The following MYH11 variants were observed in gnomAD, a reference collection of about 807,000 sequenced individuals.
MYH11 encodes myosin-11.
MYH11 carries 80 observed loss-of-function variants against 246.6 expected under a neutral mutation model. The ratio of observed to expected loss-of-function variants is 0.32; its 90% confidence interval spans 0.27 to 0.39. The LOEUF is 0.39. Ranked by LOEUF, MYH11 falls within the 10% of genes least tolerant of loss-of-function variation. The pLI, the probability that MYH11 is intolerant of heterozygous loss-of-function variation, is 1.00. For synonymous variants in MYH11, 1,071 were observed against 1,015.5 expected (o/e 1.05, Z -1.04); for missense variants, 2,158 against 2,546.8 (o/e 0.85, Z 3.29).
At chr16:15,812,167 C>T (rs144361138) in intron 3 of MYH11, among the ~76,000 whole-genome samples, 3 of 152,180 alleles carry the variant, frequency 2.0e-5, no homozygotes, top group African/African-American at 4.8e-5. Context: ...AGCAGGGCTC[C>T]GGCTTTGGAG....
intron 1 of MYH11, among the ~76,000 whole-genome samples, chr16:15,844,903 C>A (rs560292505): frequency 3.3e-5 from 5 of 152,128 alleles, no homozygotes; most frequent in African/African-American, 1.2e-4. Context: ...AGGGCATTTT[C>A]ATTAGCCTAA....
chr16:15,747,129 G>A (rs891344216), intron 19 of MYH11, among the ~76,000 whole-genome samples: 1 of 151,922 alleles, frequency 6.6e-6, no homozygotes, highest in African/African-American at 2.4e-5. Context: ...AGGAAGGGAG[G>A]GAGGGAAGGA....
chr16:15,845,826 T>C (rs1019513695), intron 1 of MYH11, among the ~76,000 whole-genome samples: 1 of 152,090 alleles, frequency 6.6e-6, no homozygotes, highest in African/African-American at 2.4e-5. Flanking sequence ...GTGTGATGGC[T>C]CATGCCTATA....
At chr16:15,839,841 A>G (rs746247502) in intron 1 of MYH11, among the ~76,000 whole-genome samples, 53 of 152,158 alleles carry the variant, frequency 3.5e-4, no homozygotes, top group Non-Finnish European at 6.9e-4. Context: ...ACTTGAGGTC[A>G]GGAGTTTGAA....
chr16:15,719,518 T>G, intron 35 of MYH11, 67 bp downstream of exon 35: 1 of 1,609,354 alleles, frequency 6.2e-7, no homozygotes. Flanking sequence ...ATGCACAGAC[T>G]GGAGCTGCCA....
chr16:15,763,747 A>T (rs1362071381), intron 10 of MYH11, 49 bp downstream of exon 10: 6 of 354,530 alleles, frequency 1.7e-5, no homozygotes, highest in South Asian at 5.1e-5. Context: ...CACCTCCCCC[A>T]CCCCCCCAAC....
intron 1 of MYH11, among the ~76,000 whole-genome samples, chr16:15,851,162 T>A (rs1316787781): frequency 6.6e-6 from 1 of 152,128 alleles, no homozygotes; most frequent in Admixed American, 6.6e-5. Context: ...ACCTCTGCAG[T>A]GGAAATCCTC....
At chr16:15,829,237 G>A (rs2043661528) in intron 2 of MYH11, among the ~76,000 whole-genome samples, 2 of 151,958 alleles carry the variant, frequency 1.3e-5, no homozygotes, top group South Asian at 4.2e-4. Flanking sequence ...GGACCACACT[G>A]CCTTTTCAAC....
intron 5 of MYH11, 87 bp from the exon 6 acceptor site, chr16:15,782,564 C>A: frequency 1.9e-6 from 2 of 1,046,982 alleles, no homozygotes; most frequent in Non-Finnish European, 3.0e-6. Flanking sequence ...CAAAACTCTG[C>A]CCTTAACCCA....
intron 6 of MYH11, among the ~76,000 whole-genome samples, chr16:15,781,754 A>C (rs1409876184): frequency 2.6e-5 from 4 of 152,196 alleles, no homozygotes. Context: ...AACCAGCTTC[A>C]TGAAGGCTGG....
chr16:15,815,531 T>C (rs1420409998), intron 3 of MYH11, among the ~76,000 whole-genome samples: 1 of 152,090 alleles, frequency 6.6e-6, no homozygotes, highest in Non-Finnish European at 1.5e-5. Flanking sequence ...ATTTAAATTA[T>C]AGGATTGGTC....
Position 15,741,680 on chromosome 16 carries a change from G to A in MYH11, c.2653-11C>T, listed in dbSNP as rs757246238. 6.2e-7 allele frequency: 1 copy of A among 1,613,970 alleles called. No homozygotes were observed. On this transcript the variant is annotated splice_polypyrimidine_tract_variant and intron_variant, in intron 21 of 40. Transcript: ENST00000300036. Reference sequence around the variant, plus strand: ...CTTCTCCTCGGTCAGCTGCACGCAGGTGGTGGGGAGGAGGCGGGTGAGCCC... The same window carrying A: ...CTTCTCCTCGGTCAGCTGCACGCAGATGGTGGGGAGGAGGCGGGTGAGCCC...
At chr16:15,784,701 G>A (rs368786301) in intron 5 of MYH11, 3 of 1,613,774 alleles carry the variant, frequency 1.9e-6, no homozygotes, top group Non-Finnish European at 2.5e-6. Flanking sequence ...TACTCACGTA[G>A]GCAAAAGATG....
chr16:15,784,981 G>T, intron 5 of MYH11: 1 of 359,998 alleles, frequency 2.8e-6, no homozygotes, highest in Non-Finnish European at 4.9e-6. Context: ...CTACAGGCAT[G>T]CACACCAGGC....
chr16:15,711,710 T>TC (rs1483485714), intron 40 of MYH11, among the ~76,000 whole-genome samples: 2 of 152,112 alleles, frequency 1.3e-5, no homozygotes, highest in African/African-American at 4.8e-5. Flanking sequence ...ATTTTTTTTT[T>TC]GAGACCGAGT....
At chr16:15,724,455 G>T in intron 30 of MYH11, 46 bp from the exon 31 acceptor site, 1 of 1,611,398 alleles carries the variant, frequency 6.2e-7, no homozygotes, top group South Asian at 1.1e-5. Context: ...GACCATGAGT[G>T]GCCCCTGTCC....
intron 1 of MYH11, among the ~76,000 whole-genome samples, chr16:15,844,763 T>A (rs936655706): frequency 5.3e-5 from 8 of 151,904 alleles, no homozygotes; most frequent in Non-Finnish European, 1.2e-4. Flanking sequence ...GGCAGGAGGG[T>A]TGCTTGAGCC....
chr16:15,755,753 C>T (rs2041695267), intron 14 of MYH11, among the ~76,000 whole-genome samples: 1 of 152,168 alleles, frequency 6.6e-6, no homozygotes, highest in Admixed American at 6.5e-5. Context: ...GCCAACATGG[C>T]GAAACCCTTC....
intron 6 of MYH11, among the ~76,000 whole-genome samples, chr16:15,781,464 T>A (rs2042351255): frequency 6.6e-6 from 1 of 152,192 alleles, no homozygotes; most frequent in African/African-American, 2.4e-5. Flanking sequence ...CAGGGCCCCA[T>A]CTCAGCGAGC....
Sources: allele counts gnomAD v4.1 joint callset (sites outside exome capture counted in the v4.1 genomes callset), GRCh38; gene constraint gnomAD v4.1.1; transcripts MANE v1.5; gene names NCBI Gene and HGNC (gene_info 2026-07-23, HGNC 2026-07-21).